The following MED12 variants were observed in gnomAD, a reference collection of about 807,000 sequenced individuals.
The protein encoded by MED12 is mediator complex subunit 12.
A neutral mutation model predicts 177.7 loss-of-function variants in MED12; 10 were observed. That is an observed-to-expected ratio of 0.06 (90% CI 0.03 to 0.10). The LOEUF is 0.10. Ranked by LOEUF, MED12 falls within the 10% of genes least tolerant of loss-of-function variation. The probability of loss-of-function intolerance (pLI) is 1.00; values close to 1 mark genes in which losing one functional copy is unlikely to be tolerated. For synonymous variants in MED12, 641 were observed against 678.4 expected, an observed-to-expected ratio of 0.94 and a Z score of 0.86; for missense variants, 867 against 1,780.8, an observed-to-expected ratio of 0.49 and a Z score of 9.23.
rs1210069323 is a variant in MED12, at chrX:71,137,401, G to A, written c.5748+18G>A. 8.3e-7 allele frequency: 1 copy of A among 1,206,864 alleles called. No homozygotes were observed. Among genetic ancestry groups the A allele is most frequent in the East Asian group, 3.0e-5 (1 of 33,705 alleles). On this transcript the variant is annotated intron_variant, in intron 39 of 44. Transcript: ENST00000374080. ...AGCTCCAGGCAAAGATAGTGAGAGG[G>A]GCAGTAGGGAGGGCTGTCAGGGAGA... is the stretch of plus-strand genomic sequence containing the variant.
At chrX:71,129,631 G>T in intron 26 of MED12, 49 bp from the exon 27 acceptor site, 1 of 1,163,429 alleles carries the variant, frequency 8.6e-7, no homozygotes, top group Non-Finnish European at 1.2e-6. Flanking sequence ...GTCTCCACAC[G>T]TGTTCCAATC....
At chrX:71,119,969 C>T in intron 3 of MED12, 45 bp from the exon 4 acceptor site, 1 of 1,207,955 alleles carries the variant, frequency 8.3e-7, no homozygotes, top group African/African-American at 1.7e-5. Context: ...TGGGTGTCAG[C>T]TCATGGGGAT....
Position 71,123,578 on chromosome X carries a change from T to G in MED12, c.1618-16T>G. The G allele has an allele frequency of 1.7e-6, 2 of 1,211,155 alleles. No homozygotes were observed. Among genetic ancestry groups the G allele is most frequent in the Non-Finnish European group, 2.2e-6 (2 of 895,168 alleles). ...AGGTAAAAGTCAGTTCTACAATTTG[T>G]TCTGTCATCTTGCAGCGTTGTGGAG... On this transcript the variant is annotated splice_polypyrimidine_tract_variant and intron_variant, in intron 11 of 44. Transcript: ENST00000374080.
rs2147822302 is a variant in MED12 at position 71,134,727 on chromosome X, C to T, written c.4742C>T (p.Thr1581Ile). 8.3e-7 allele frequency: 1 copy of T among 1,211,348 alleles called. No individual in the cohort carries two copies. Among genetic ancestry groups the T allele is most frequent in the Non-Finnish European group, 1.1e-6 (1 of 895,330 alleles). Reference sequence around the variant, plus strand: ...TCCTGTCTCAGTGAGCTCTTCACTACTGTGTTGGACATGCTGAGCGTGCTC... The same window carrying T: ...TCCTGTCTCAGTGAGCTCTTCACTATTGTGTTGGACATGCTGAGCGTGCTC... ...DMQSNNELFT[T>I]VLDMLSVLIN... Residue 1581 changes from threonine (T) to isoleucine (I), a missense_variant, in exon 35 of 45, where the codon ACT (threonine) becomes ATT (isoleucine). Thr to Ile is a moderately conservative substitution (Grantham distance 89). Coordinates refer to ENST00000374080, the MANE Select transcript of MED12 (RefSeq NM_005120.3).
In MED12 at chrX:71,132,360, CTCTG is replaced by C. The variant is rs772021255; in HGVS notation, c.4254-11_4254-8del. On this transcript the variant is annotated splice_polypyrimidine_tract_variant and intron_variant, in intron 30 of 44. Coordinates refer to ENST00000374080, the MANE Select transcript of MED12 (RefSeq NM_005120.3). ...CCTGGCTCCCCTGTGACCCTGTGTC[CTCTG>C]TCTGTTCTCCAGCTCTCTAGAGCGC... 7.4e-6 allele frequency: 9 copies of C among 1,210,150 alleles called. No homozygotes were observed. The highest frequency in any genetic ancestry group is 3.5e-5 in the South Asian group (2 of 56,889).
chrX:71,133,256 G>A, intron 33 of MED12, 44 bp downstream of exon 33: 1 of 924,522 alleles, frequency 1.1e-6, no homozygotes, highest in Non-Finnish European at 1.6e-6. Context: ...GGTAGGGCTG[G>A]AAATGCGGAG....
chrX:71,141,501 T>A, intron 43 of MED12, 131 bp downstream of exon 43: 2 of 914,217 alleles, frequency 2.2e-6, no homozygotes, highest in South Asian at 4.6e-5. Context: ...TAAAAATGGA[T>A]TGGGAGGCCA....
At position 71,118,743 on chromosome X, in the gene MED12, G is replaced by T; in HGVS notation, c.-12G>T. 2 of 1,205,027 alleles carry T rather than the reference G, an allele frequency of 1.7e-6. No homozygotes were observed. The highest frequency in any genetic ancestry group is 2.2e-6 in the Non-Finnish European group (2 of 892,167). ...GCCCTGCTGGTGCCTCCGGCGCTAC[G>T]GGCTGGGCAAGATGGCGGCCTTCGG... is the stretch of plus-strand genomic sequence containing the variant. On this transcript the variant is annotated 5_prime_UTR_variant, in exon 1 of 45. Coordinates refer to ENST00000374080, the MANE Select transcript of MED12 (RefSeq NM_005120.3).
At chrX:71,129,654 C>T (rs767995211) in intron 26 of MED12, 26 bp from the exon 27 acceptor site, 47 of 1,169,326 alleles carry the variant, frequency 4.0e-5, no homozygotes, top group Non-Finnish European at 5.1e-5. Flanking sequence ...ACTCTGCCCT[C>T]CCTATCTCCC....
intron 13 of MED12, 57 bp from the exon 14 acceptor site, chrX:71,124,707 A>G: frequency 1.0e-6 from 1 of 960,014 alleles, no homozygotes; most frequent in Non-Finnish European, 1.5e-6. Context: ...AGTTTTACAG[A>G]TGGTGGGAGC....
At chrX:71,119,604 C>G in intron 2 of MED12, 82 bp from the exon 3 acceptor site, 1 of 1,121,186 alleles carries the variant, frequency 8.9e-7, no homozygotes, top group East Asian at 3.0e-5. Context: ...CTAATACTAT[C>G]TCATTGGCAT....
intron 38 of MED12, 74 bp downstream of exon 38, chrX:71,137,103 C>T: frequency 8.4e-7 from 1 of 1,187,570 alleles, no homozygotes; most frequent in Middle Eastern, 2.3e-4. Flanking sequence ...GATGCCATTC[C>T]CCTGAGGAGC....
At position 71,118,800 on chromosome X, in the gene MED12, C is replaced by A. The variant is rs749802630; in HGVS notation, c.46C>A (p.Arg16=). The change falls in exon 1 of 45, where the codon CGG becomes AGG. Residue 16 remains arginine, a synonymous_variant. Transcript: ENST00000374080. Reference sequence around the variant, plus strand: ...GAGCTACGAACACCGGCCCCTGAAGCGGCCGCGGCTGGGGCCTCCCGATGT... The same window carrying A: ...GAGCTACGAACACCGGCCCCTGAAGAGGCCGCGGCTGGGGCCTCCCGATGT... ...ILSYEHRPLK[R]PRLGPPDVYP... The A allele has an allele frequency of 1.9e-5, 23 of 1,206,141 alleles. No homozygotes were observed. In the African/African-American group the frequency reaches 3.7e-4, roughly 20 times the overall value.
rs5030617 is a variant in MED12 at position 71,128,467 on chromosome X, G to C, written c.3354+27G>C. ...TGAGACTTGGGGTGGGGTTTTGCTA[G>C]TGGGGCAGTGACCAGGGCAGGGGGC... On this transcript the variant is annotated intron_variant, in intron 23 of 44. Transcript: ENST00000374080. The C allele has an allele frequency of 0.13, 152,947 of 1,207,848 alleles. 7,017 individuals are homozygous for C. Among genetic ancestry groups the C allele is most frequent in the African/African-American group, 0.24 (13,455 of 56,496 alleles).
intron 13 of MED12, 113 bp downstream of exon 13, chrX:71,124,501 T>C: frequency 1.7e-6 from 1 of 601,504 alleles, no homozygotes; most frequent in Non-Finnish European, 2.7e-6. Context: ...GTATTTTTCT[T>C]AGCACTTGGT....
At position 71,136,527 on chromosome X, in the gene MED12, G is replaced by C; in HGVS notation, c.5272G>C (p.Glu1758Gln). Reference protein sequence around the residue: ...DEEPPAPTLLEPEKKAPEPPK... With the variant: ...DEEPPAPTLLQPEKKAPEPPK... ...GGAGCCGCCTGCTCCTACCCTGCTA[G>C]AGCCTGAGAAAAAGGCTCCAGAGCC... The change falls in exon 37 of 45, where the codon GAG becomes CAG. Residue 1758 changes from glutamate (E) to glutamine (Q), a missense_variant. Physicochemically the swap from Glu to Gln is conservative, Grantham distance 29. Coordinates refer to ENST00000374080, the MANE Select transcript of MED12 (RefSeq NM_005120.3). 1 of 1,199,519 alleles carries C rather than the reference G, an allele frequency of 8.3e-7. No individual in the cohort carries two copies. Among genetic ancestry groups the C allele is most frequent in the Non-Finnish European group, 1.1e-6 (1 of 889,485 alleles).
Position 71,123,658 on chromosome X carries a change from C to T in MED12, c.1682C>T (p.Pro561Leu), listed in dbSNP as rs766485358. ...ATCGCCTCTGGCTCCCTTTCTGCTC[C>T]CAGTGCTCCCATTTTCCAGGATGTC... ...GSIASGSLSA[P>L]SAPIFQDVLL... Residue 561 changes from proline (P) to leucine (L), a missense_variant, in exon 12 of 45, where the codon CCC (proline) becomes CTC (leucine). Pro to Leu is a moderately conservative substitution (Grantham distance 98, BLOSUM62 -3). Around this residue, in one of 14 missense-constraint regions of MED12, gnomAD observed 309 missense variants for 556.3 expected, o/e 0.56. Coordinates refer to ENST00000374080, the MANE Select transcript of MED12 (RefSeq NM_005120.3). The T allele has an allele frequency of 3.0e-5, 36 of 1,206,807 alleles. No homozygotes were observed. The highest frequency in any genetic ancestry group is 5.9e-5 in the East Asian group (2 of 33,726).
intron 19 of MED12, 46 bp from the exon 20 acceptor site, chrX:71,126,923 A>T (rs777303030): frequency 1.7e-6 from 2 of 1,184,779 alleles, no homozygotes; most frequent in Non-Finnish European, 2.3e-6. Flanking sequence ...TTTCTATGTA[A>T]CACAAGGGGC....
intron 33 of MED12, 115 bp from the exon 34 acceptor site, chrX:71,134,242 A>G: frequency 4.4e-6 from 2 of 450,190 alleles, no homozygotes; most frequent in Non-Finnish European, 3.8e-6. Context: ...AAAAAAAAAA[A>G]AAAAAAAAAC....
Sources: gnomAD v4.1 joint callset for allele counts on GRCh38, gnomAD v4.1.1 for gene constraint, gnomAD v4.1.1 regional missense constraint, MANE v1.5 for transcripts, NCBI Gene and HGNC (gene_info 2026-07-23, HGNC 2026-07-21) for gene names.